HADHA: variants seen among roughly 807,000 people sequenced by gnomAD.
HADHA encodes the protein hydroxyacyl-CoA dehydrogenase trifunctional multienzyme complex subunit alpha.
In HADHA, 59 loss-of-function variants were observed where a neutral mutation model predicts 91.3. The ratio of observed to expected loss-of-function variants is 0.65; its 90% CI spans 0.52 to 0.80. The LOEUF (loss-of-function observed/expected upper bound fraction) is 0.80. HADHA is among the 30% of genes least tolerant of loss of function. The pLI, the probability that HADHA is intolerant of heterozygous loss-of-function variation, is 0.00. For synonymous variants in HADHA, 320 were observed against 338.9 expected, an observed-to-expected ratio of 0.94 and a Z score of 0.61; for missense variants, 800 against 927.6, an observed-to-expected ratio of 0.86 and a Z score of 1.79.
rs772729754 is a variant in HADHA, at chr2:26,234,374, T to A, written c.315-19A>T. ...TAACATGCTGCATTATCCATAAAAG[T>A]AGAGAACAGAGAAAAAGATAAAACT... is the stretch of plus-strand genomic sequence containing the variant. On this transcript the variant is annotated intron_variant, in intron 4 of 19. Coordinates refer to ENST00000380649, the MANE Select transcript of HADHA (RefSeq NM_000182.5). 1 of 1,607,150 alleles carries A rather than the reference T, an allele frequency of 6.2e-7. No individual in the cohort carries two copies. The highest frequency in any genetic ancestry group is 8.5e-7 in the Non-Finnish European group (1 of 1,173,658).
chr2:26,198,431 A>G (rs1669740019), intron 13 of HADHA, among the ~76,000 whole-genome samples: 1 of 146,692 alleles, frequency 6.8e-6, no homozygotes, highest in Non-Finnish European at 1.5e-5. Context: ...GCTGGAGTGT[A>G]GTGGTGCAAT....
chr2:26,230,308 A>G lies in HADHA; in HGVS notation c.574-14T>C. On this transcript the variant is annotated splice_polypyrimidine_tract_variant and intron_variant, in intron 6 of 19. Coordinates refer to ENST00000380649, the MANE Select transcript of HADHA (RefSeq NM_000182.5). The stretch of plus-strand genomic sequence containing the variant: ...AGGCACACCCACCTAACAGGCAAGC[A>G]AGGATGAGAATATAGGGGGAAAAAA... 1 of 1,508,012 alleles carries G rather than the reference A, an allele frequency of 6.6e-7. No homozygotes were observed. Among genetic ancestry groups the G allele is most frequent in the Non-Finnish European group, 9.2e-7 (1 of 1,083,316 alleles). 93.4% of individuals were successfully genotyped at this position (1,508,012 alleles called of 1,614,324 possible).
At chr2:26,239,467 C>T (rs1488764564) in intron 1 of HADHA, among the ~76,000 whole-genome samples, 1 of 152,004 alleles carries the variant, frequency 6.6e-6, no homozygotes, top group African/African-American at 2.4e-5. Flanking sequence ...ATGGATTATC[C>T]AGGTGGGCCC....
chr2:26,234,150 G>A, intron 5 of HADHA, 67 bp downstream of exon 5: 1 of 1,450,434 alleles, frequency 6.9e-7, no homozygotes, highest in East Asian at 2.3e-5. Flanking sequence ...AGTAGCCTAA[G>A]GGTTTACAGC....
intron 16 of HADHA, among the ~76,000 whole-genome samples, chr2:26,194,167 G>T (rs923363244): frequency 1.3e-5 from 2 of 152,212 alleles, no homozygotes; most frequent in Non-Finnish European, 2.9e-5. Flanking sequence ...CAGCGAGGAG[G>T]ATCCCTCTCC....
intron 11 of HADHA, 120 bp downstream of exon 11, chr2:26,209,660 A>G (rs1670047581): frequency 1.3e-6 from 1 of 741,010 alleles, no homozygotes; most frequent in Non-Finnish European, 2.5e-6. Flanking sequence ...TGTGCTCAGG[A>G]AAGAAGTTGA....
intron 14 of HADHA, among the ~76,000 whole-genome samples, chr2:26,197,342 C>T (rs925975749): frequency 1.3e-5 from 2 of 152,204 alleles, no homozygotes; most frequent in South Asian, 4.1e-4. Context: ...GGAACCAAAC[C>T]TGTTCTAAAC....
chr2:26,214,391 C>T lies in HADHA; in HGVS notation c.918+52G>A. ...CAGAATGGCAATAAGGAGGAGTGAT[C>T]TATATAAAGGAAGGAAATATGAGAA... On this transcript the variant is annotated intron_variant, in intron 9 of 19. Coordinates refer to ENST00000380649, the MANE Select transcript of HADHA (RefSeq NM_000182.5). This position sits in a 1 kb window ranked among gnomAD's most constrained non-coding sequence, Gnocchi z 4.1. 1 of 869,060 alleles carries T rather than the reference C, an allele frequency of 1.2e-6. No individual in the cohort carries two copies. The highest frequency in any genetic ancestry group is 2.0e-6 in the Non-Finnish European group (1 of 500,772). The allele number at this position is 869,060 out of a possible 1,614,324, so 53.8% of individuals were successfully genotyped here. A position where few individuals can be genotyped will look rare whatever the true frequency, so the allele number is the denominator to read the frequency against.
At chr2:26,201,784 TA>T (rs1440643391) in intron 12 of HADHA, among the ~76,000 whole-genome samples, 1 of 151,584 alleles carries the variant, frequency 6.6e-6, no homozygotes. Context: ...TCTGTAGTTG[TA>T]ATCTTTTTTT....
chr2:26,197,897 C>G, intron 13 of HADHA, 120 bp from the exon 14 acceptor site: 1 of 729,970 alleles, frequency 1.4e-6, no homozygotes, highest in Non-Finnish European at 2.6e-6. Context: ...ACTGCTCAGA[C>G]AGTAGATGTC....
At chr2:26,196,043 T>C (rs1669662172) in intron 14 of HADHA, among the ~76,000 whole-genome samples, 1 of 152,244 alleles carries the variant, frequency 6.6e-6, no homozygotes, top group African/African-American at 2.4e-5. Context: ...ACAAGTGATA[T>C]CTGTAATTTT....
chr2:26,237,417 A>G (rs1670788580), intron 3 of HADHA, among the ~76,000 whole-genome samples: 1 of 152,198 alleles, frequency 6.6e-6, no homozygotes, highest in African/African-American at 2.4e-5. Flanking sequence ...ACTTGAGTTC[A>G]GGAGTTCGAG....
Position 26,210,020 on chromosome 2 carries a change from T to C in HADHA, c.976-131A>G. 1 of 714,090 alleles carries C rather than the reference T, an allele frequency of 1.4e-6. No homozygotes were observed. The highest frequency in any genetic ancestry group is 2.6e-6 in the Non-Finnish European group (1 of 390,258). The allele number at this position is 714,090 out of a possible 1,614,324, so 44.2% of individuals were successfully genotyped here. A position where few individuals can be genotyped will look rare whatever the true frequency, so the allele number is the denominator to read the frequency against. On this transcript the variant is annotated intron_variant, in intron 10 of 19. Transcript: ENST00000380649. This position sits in a 1 kb window ranked among gnomAD's most constrained non-coding sequence, Gnocchi z 4.0. ...CTGAGTCCCTGGGGATGCGGGGGAG[T>C]TTGGGGGTTCAGTGCTGCAGAAGTC...
At position 26,214,292 on chromosome 2, in the gene HADHA, C is replaced by T. The variant is rs1670166410; in HGVS notation, c.918+151G>A. The T allele has an allele frequency of 2.8e-6, 2 of 724,706 alleles. No individual in the cohort carries two copies. Among genetic ancestry groups the T allele is most frequent in the Non-Finnish European group, 2.5e-6 (1 of 396,158 alleles). The allele number at this position is 724,706 out of a possible 1,614,324, so 44.9% of individuals were successfully genotyped here. On this transcript the variant is annotated intron_variant, in intron 9 of 19. Coordinates refer to ENST00000380649, the MANE Select transcript of HADHA (RefSeq NM_000182.5). This position sits in a 1 kb window ranked among gnomAD's most constrained non-coding sequence, Gnocchi z 4.1. ...ACTTTATATGAGTCCTTACAGCTTG[C>T]TATGCCCTTCCCTTATTTTTGGTAA...
At chr2:26,241,969 T>C (rs1670903695) in intron 1 of HADHA, among the ~76,000 whole-genome samples, 2 of 152,124 alleles carry the variant, frequency 1.3e-5, no homozygotes, top group African/African-American at 4.8e-5. Flanking sequence ...AGGTGTGATC[T>C]TGGCTCACTG....
intron 7 of HADHA, among the ~76,000 whole-genome samples, chr2:26,218,357 A>G (rs570124588): frequency 6.6e-6 from 1 of 152,286 alleles, no homozygotes; most frequent in Non-Finnish European, 1.5e-5. Context: ...ATGTTTAAAA[A>G]TGAAGTGGGA....
At chr2:26,198,832 T>C (rs1394718292) in intron 13 of HADHA, among the ~76,000 whole-genome samples, 1 of 152,022 alleles carries the variant, frequency 6.6e-6, no homozygotes. Flanking sequence ...GGAGGATTAC[T>C]TGAGGCCAGG....
intron 12 of HADHA, among the ~76,000 whole-genome samples, chr2:26,202,945 C>T (rs1237994796): frequency 1.3e-5 from 2 of 152,216 alleles, no homozygotes; most frequent in African/African-American, 4.8e-5. Flanking sequence ...CGGCACTCGC[C>T]AGAACCTGAT....
In HADHA at chr2:26,191,112, C is replaced by T; in HGVS notation, c.*138G>A. On this transcript the variant is annotated 3_prime_UTR_variant, in exon 20 of 20. Transcript: ENST00000380649. ...AGGGAGAGATGGTCTTGGCTGAAGG[C>T]ACTTTAATCAGGGAGCAAACCCAGT... 1 of 816,502 alleles carries T rather than the reference C, an allele frequency of 1.2e-6. No individual in the cohort carries two copies. The highest frequency in any genetic ancestry group is 1.5e-5 in the South Asian group (1 of 68,814). 50.6% of individuals were successfully genotyped at this position (816,502 alleles called of 1,614,324 possible).
Sources: gnomAD v4.1 joint callset for allele counts (sites outside exome capture counted in the v4.1 genomes callset) on GRCh38, gnomAD v4.1.1 for gene constraint, Gnocchi (gnomAD v3.1) non-coding constraint, MANE v1.5 for transcripts, NCBI Gene and HGNC (gene_info 2026-07-23, HGNC 2026-07-21) for gene names.